PAPOLA: variants seen among roughly 807,000 people sequenced by gnomAD.
PAPOLA encodes poly(A) polymerase alpha, also known as polynucleotide adenylyltransferase alpha.
In PAPOLA, 15 loss-of-function variants were observed where a neutral mutation model predicts 100.6. The observed-to-expected ratio is 0.15, with a 90% CI of 0.10 to 0.23. PAPOLA has a LOEUF of 0.23. PAPOLA is among the 10% of genes least tolerant of loss of function. The probability of loss-of-function intolerance (pLI) is 1.00; values close to 1 mark genes in which losing one functional copy is unlikely to be tolerated. For missense variants in PAPOLA, 533 were observed against 884.2 expected, an observed-to-expected ratio of 0.60 and a Z score of 5.04; for synonymous variants, 293 against 300.0, an observed-to-expected ratio of 0.98 and a Z score of 0.24.
At chr14:96,538,312 G>A (rs186240684) in intron 12 of PAPOLA, among the ~76,000 whole-genome samples, 9 of 151,990 alleles carry the variant, frequency 5.9e-5, no homozygotes, top group African/African-American at 1.9e-4. Flanking sequence ...GGACTGTGAC[G>A]GGGCTTCTTT....
chr14:96,522,038 G>C (rs1898012516), intron 3 of PAPOLA, among the ~76,000 whole-genome samples: 1 of 150,872 alleles, frequency 6.6e-6, no homozygotes, highest in African/African-American at 2.4e-5. Context: ...CTGACCTCAA[G>C]TGATCCACCT....
intron 16 of PAPOLA, 79 bp downstream of exon 16, chr14:96,547,997 G>A: frequency 4.0e-6 from 5 of 1,240,794 alleles, no homozygotes; most frequent in South Asian, 1.5e-5. Flanking sequence ...TCAGAATTTA[G>A]GCTCAGTTAA....
rs756786972 is a variant in PAPOLA, at chr14:96,531,619, C to T, written c.607+33C>T. ...AAAGCCTACTTCCTTTTGTGTACTTCAGTTTTTGTCAGATATTAGTTGTTT... is the reference window on the plus strand; with the variant it reads ...AAAGCCTACTTCCTTTTGTGTACTTTAGTTTTTGTCAGATATTAGTTGTTT... On this transcript the variant is annotated intron_variant, in intron 7 of 21. Coordinates refer to ENST00000216277, the MANE Select transcript of PAPOLA (RefSeq NM_032632.5). The T allele has an allele frequency of 1.9e-6, 3 of 1,567,982 alleles. No homozygotes were observed. In the South Asian group the frequency reaches 3.5e-5, roughly 18 times the overall value.
intron 12 of PAPOLA, among the ~76,000 whole-genome samples, chr14:96,539,704 T>C (rs997904454): frequency 6.6e-6 from 1 of 152,084 alleles, no homozygotes; most frequent in African/African-American, 2.4e-5. Flanking sequence ...ACTTGTAAAA[T>C]AGGGGACCAT....
chr14:96,513,610 G>A (rs182574141), intron 1 of PAPOLA, among the ~76,000 whole-genome samples: 33 of 152,150 alleles, frequency 2.2e-4, no homozygotes, highest in African/African-American at 7.7e-4. Flanking sequence ...GATGAATAAG[G>A]GCTCGTTTTT....
rs1287138418 is a variant in PAPOLA at position 96,565,988 on chromosome 14, A to C, written c.*938A>C. Reference sequence around the variant, plus strand: ...CAATGACCCTGTGACCACATGGCACAGAACACTAAATTTTGGTCCCATGGC... The same window carrying C: ...CAATGACCCTGTGACCACATGGCACCGAACACTAAATTTTGGTCCCATGGC... On this transcript the variant is annotated 3_prime_UTR_variant, in exon 22 of 22. Coordinates refer to ENST00000216277, the MANE Select transcript of PAPOLA (RefSeq NM_032632.5). 2.5e-6 allele frequency: 1 copy of C among 398,058 alleles called. No homozygotes were observed. The highest frequency in any genetic ancestry group is 3.6e-5 in the East Asian group (1 of 28,044). 24.7% of individuals were successfully genotyped at this position (398,058 alleles called of 1,614,324 possible). A position where few individuals can be genotyped will look rare whatever the true frequency, so the allele number is the denominator to read the frequency against.
At chr14:96,534,826 AC>A (rs1233964667) in intron 10 of PAPOLA, 6 of 1,176,490 alleles carry the variant, frequency 5.1e-6, no homozygotes, top group Non-Finnish European at 5.3e-6. Flanking sequence ...TCTATATAGA[AC>A]TACCTTGTAA....
chr14:96,522,846 G>A (rs1898115906), intron 3 of PAPOLA, among the ~76,000 whole-genome samples: 1 of 152,138 alleles, frequency 6.6e-6, no homozygotes, highest in Admixed American at 6.5e-5. Context: ...AACATAAATA[G>A]TGGTAATTTT....
intron 20 of PAPOLA, among the ~76,000 whole-genome samples, chr14:96,561,476 A>G (rs528380769): frequency 1.8e-4 from 27 of 152,320 alleles, no homozygotes; most frequent in African/African-American, 6.3e-4. Flanking sequence ...AAGTATGTGT[A>G]TCATTATGTA....
rs894582274 is a variant in PAPOLA, at chr14:96,534,399, G to A, written c.837-92G>A. The A allele has an allele frequency of 4.7e-5, 72 of 1,547,688 alleles. No individual in the cohort carries two copies. The East Asian group carries it at 1.4e-3, about 30-fold the overall frequency. The stretch of plus-strand genomic sequence containing the variant: ...TGTACCAAGAAGGCAGAATGAAGAA[G>A]GATCACGTTCACAAATGCTGTATGT... On this transcript the variant is annotated intron_variant, in intron 9 of 21. Transcript: ENST00000216277.
intron 15 of PAPOLA, among the ~76,000 whole-genome samples, chr14:96,545,796 G>C (rs1900349714): frequency 6.6e-6 from 1 of 151,988 alleles, no homozygotes; most frequent in East Asian, 1.9e-4. Context: ...GTCGTATGTA[G>C]GGTGATACTC....
chr14:96,535,687 T>C, intron 10 of PAPOLA, 192 bp from the exon 11 acceptor site: 1 of 819,776 alleles, frequency 1.2e-6, no homozygotes, highest in Non-Finnish European at 1.6e-6. Context: ...AGATCATTAG[T>C]TTAGATGAAA....
chr14:96,530,377 T>A (rs973306590), intron 6 of PAPOLA, among the ~76,000 whole-genome samples: 1 of 151,852 alleles, frequency 6.6e-6, no homozygotes, highest in Non-Finnish European at 1.5e-5. Context: ...TTGCCATGTT[T>A]GTTTGTTTTT....
At chr14:96,558,149 T>G (rs12886291) in intron 19 of PAPOLA, among the ~76,000 whole-genome samples, 1 of 440 alleles carries the variant, frequency 2.3e-3, no homozygotes, top group Non-Finnish European at 3.3e-3. Context: ...GTTTTTGGGG[T>G]TTTTTTTGTT....
intron 21 of PAPOLA, 30 bp from the exon 22 acceptor site, chr14:96,564,925 C>A: frequency 9.1e-7 from 1 of 1,103,372 alleles, no homozygotes; most frequent in Non-Finnish European, 1.4e-6. Flanking sequence ...GTGCTTTGAA[C>A]AATGTTGTGT....
chr14:96,512,010 A>C (rs1165073933), intron 1 of PAPOLA, among the ~76,000 whole-genome samples: 1 of 152,200 alleles, frequency 6.6e-6, no homozygotes. Flanking sequence ...TTATTGTTTT[A>C]ATTTGAAGAT....
At position 96,534,908 on chromosome 14, in the gene PAPOLA, T is replaced by C. The variant is rs965686840; in HGVS notation, c.909+345T>C. On this transcript the variant is annotated intron_variant, in intron 10 of 21. Coordinates refer to ENST00000216277, the MANE Select transcript of PAPOLA (RefSeq NM_032632.5). ...ACTAAAAATCCCTGTATTTTTTATTTTATCTAAGTATTATGCTAAAGTTGG... is the reference window on the plus strand; with the variant it reads ...ACTAAAAATCCCTGTATTTTTTATTCTATCTAAGTATTATGCTAAAGTTGG... The C allele has an allele frequency of 7.8e-6, 8 of 1,020,716 alleles. No individual in the cohort carries two copies. In the Admixed American group the frequency reaches 2.1e-4, roughly 27 times the overall value. 63.2% of individuals were successfully genotyped at this position (1,020,716 alleles called of 1,614,324 possible).
chr14:96,536,786 A>C (rs1437607763), intron 11 of PAPOLA, 190 bp from the exon 12 acceptor site: 1 of 422,850 alleles, frequency 2.4e-6, no homozygotes, highest in Non-Finnish European at 4.2e-6. Flanking sequence ...GTTCTCAAAA[A>C]ATCTTCCAGC....
At chr14:96,526,936 C>G (rs1027968886) in intron 4 of PAPOLA, 1 of 153,174 alleles carries the variant, frequency 6.5e-6, no homozygotes, top group African/African-American at 2.4e-5. Context: ...GTGCTGGCCT[C>G]TTATCAAGCA....
Sources: allele counts gnomAD v4.1 joint callset (sites outside exome capture counted in the v4.1 genomes callset), GRCh38; gene constraint gnomAD v4.1.1; transcripts MANE v1.5; gene names NCBI Gene and HGNC (gene_info 2026-07-23, HGNC 2026-07-21).